The following EPHB1 variants were observed in gnomAD, a reference collection of about 807,000 sequenced individuals.
The protein encoded by EPHB1 is EPH receptor B1.
Under a neutral mutation model 94.4 loss-of-function variants are expected in EPHB1, and 30 were observed. That is an observed-to-expected ratio of 0.32 (90% CI 0.24 to 0.43). The LOEUF (loss-of-function observed/expected upper bound fraction) is 0.43, where lower values mean the gene tolerates loss of function less well. Among genes scored for constraint, EPHB1 ranks in the 20% least tolerant of loss-of-function variants. EPHB1 has a pLI of 1.00. For missense variants in EPHB1, 1,055 were observed against 1,308.3 expected (o/e 0.81, Z 2.99); for synonymous variants, 522 against 489.1 (o/e 1.07, Z -0.89).
chr3:135,225,705 T>C (rs561996431), intron 12 of EPHB1, among the ~76,000 whole-genome samples: 1 of 152,012 alleles, frequency 6.6e-6, no homozygotes, highest in African/African-American at 2.4e-5. Context: ...GTGGGGATGA[T>C]GATAGTGGCC....
Position 134,951,440 on chromosome 3 carries a change from G to A in EPHB1, c.193G>A (p.Glu65Lys), listed in dbSNP as rs748807854. The A allele has an allele frequency of 9.3e-6, 15 of 1,611,026 alleles. No homozygotes were observed. Among genetic ancestry groups the A allele is most frequent in the Non-Finnish European group, 1.3e-5 (15 of 1,178,182 alleles). The change falls in exon 3 of 16, where the codon GAG becomes AAG. Residue 65 changes from glutamate (E) to lysine (K), a missense_variant. Physicochemically the swap from Glu to Lys is moderately conservative, Grantham distance 56 (BLOSUM62 1). Transcript: ENST00000398015. This position sits in a 1 kb window ranked among gnomAD's most constrained non-coding sequence, Gnocchi z 4.5. ...IRTYQVCNVF[E>K]PNQNNWLLTT... is the part of the protein sequence containing the mutation. ...CACCTACCAGGTGTGCAATGTCTTC[G>A]AGCCCAACCAGAACAATTGGCTGCT...
intron 2 of EPHB1, among the ~76,000 whole-genome samples, chr3:134,937,821 T>C (rs958530200): frequency 3.3e-5 from 5 of 151,670 alleles, no homozygotes; most frequent in Admixed American, 6.6e-5. Context: ...ATCGACAGCT[T>C]AAGATAATCA....
At chr3:135,116,558 TG>T (rs1939723806) in intron 4 of EPHB1, among the ~76,000 whole-genome samples, 1 of 152,190 alleles carries the variant, frequency 6.6e-6, no homozygotes. Flanking sequence ...CAGTGCCTCG[TG>T]GTGGTCACTT....
chr3:134,818,230 A>G (rs77541652), intron 1 of EPHB1, among the ~76,000 whole-genome samples: 4,973 of 152,290 alleles, frequency 0.033, 238 homozygotes, highest in African/African-American at 0.11. Context: ...ACAAGAAGAG[A>G]AACCTACAGC....
intron 5 of EPHB1, among the ~76,000 whole-genome samples, chr3:135,142,624 T>C (rs1940865716): frequency 6.6e-6 from 1 of 152,084 alleles, no homozygotes; most frequent in Admixed American, 6.5e-5. Flanking sequence ...TCTGAGGTTG[T>C]GGTGAGGAAG....
At chr3:134,993,908 G>T (rs1214567080) in intron 3 of EPHB1, among the ~76,000 whole-genome samples, 1 of 152,156 alleles carries the variant, frequency 6.6e-6, no homozygotes, top group Admixed American at 6.5e-5. Context: ...GTCACCTCTG[G>T]GCTGTCATAC....
intron 3 of EPHB1, among the ~76,000 whole-genome samples, chr3:135,018,877 C>A (rs1935895187): frequency 6.6e-6 from 1 of 152,180 alleles, no homozygotes; most frequent in Admixed American, 6.5e-5. Flanking sequence ...TGGTGATGGT[C>A]TCATTTACTC....
chr3:135,248,247 G>A (rs963772393), intron 13 of EPHB1, 69 bp from the exon 14 acceptor site: 40 of 1,418,288 alleles, frequency 2.8e-5, no homozygotes, highest in African/African-American at 7.1e-5. Flanking sequence ...CCATATAAAG[G>A]GGATAATTTG....
At chr3:135,257,996 TTTTC>T (rs1016517699) in intron 15 of EPHB1, among the ~76,000 whole-genome samples, 9 of 152,134 alleles carry the variant, frequency 5.9e-5, no homozygotes, top group African/African-American at 1.9e-4. Context: ...TCCATCACCC[TTTTC>T]TTTGACTAGG....
chr3:134,928,479 C>CT (rs1416380672), intron 2 of EPHB1, among the ~76,000 whole-genome samples: 5 of 152,228 alleles, frequency 3.3e-5, no homozygotes, highest in South Asian at 2.1e-4. Context: ...ACCTAGTTCA[C>CT]TACCTGACTC....
At chr3:135,013,455 C>G (rs1031509813) in intron 3 of EPHB1, among the ~76,000 whole-genome samples, 1 of 152,162 alleles carries the variant, frequency 6.6e-6, no homozygotes, top group Non-Finnish European at 1.5e-5. Flanking sequence ...CACCGCATAC[C>G]GAGGAATCCG....
chr3:135,225,126 C>T (rs925144389), intron 12 of EPHB1, among the ~76,000 whole-genome samples: 2 of 152,190 alleles, frequency 1.3e-5, no homozygotes, highest in Non-Finnish European at 2.9e-5. Context: ...GTCTTCACAC[C>T]TACTCTGCTG....
At chr3:134,860,178 C>CACACAG (rs1263950626) in intron 1 of EPHB1, among the ~76,000 whole-genome samples, 1 of 148,922 alleles carries the variant, frequency 6.7e-6, no homozygotes, top group Non-Finnish European at 1.5e-5. Flanking sequence ...CACAGACACA[C>CACACAG]ACACACACAC....
intron 1 of EPHB1, among the ~76,000 whole-genome samples, chr3:134,860,150 G>GACACACAC (rs10642036): frequency 9.1e-5 from 13 of 142,922 alleles, no homozygotes; most frequent in African/African-American, 1.8e-4. Context: ...AGAAGGAAGG[G>GACACACAC]ACACACACAC....
intron 2 of EPHB1, among the ~76,000 whole-genome samples, chr3:134,948,463 G>GA (rs377501012): frequency 1.1e-4 from 17 of 147,908 alleles, no homozygotes; most frequent in East Asian, 5.9e-4. Context: ...CTCCATGGCT[G>GA]AAAAAAAAAA....
intron 2 of EPHB1, among the ~76,000 whole-genome samples, chr3:134,938,053 ACC>A (rs762795792): frequency 1.3e-5 from 2 of 151,558 alleles, no homozygotes; most frequent in African/African-American, 4.9e-5. Context: ...AGCCCATTAT[ACC>A]CTCTTTAAAT....
At chr3:135,120,220 A>G (rs2107805548) in intron 4 of EPHB1, among the ~76,000 whole-genome samples, 1 of 152,278 alleles carries the variant, frequency 6.6e-6, no homozygotes, top group South Asian at 2.1e-4. Context: ...TCTCTTCTTT[A>G]TGATATTCTT....
chr3:135,125,703 A>G (rs2107684672), intron 4 of EPHB1, among the ~76,000 whole-genome samples: 1 of 150,476 alleles, frequency 6.6e-6, no homozygotes, highest in Admixed American at 6.6e-5. Context: ...ATAATGGTCT[A>G]CATCCCTGAC....
At chr3:135,117,982 A>G (rs979460704) in intron 4 of EPHB1, among the ~76,000 whole-genome samples, 1 of 152,200 alleles carries the variant, frequency 6.6e-6, no homozygotes, top group Non-Finnish European at 1.5e-5. Flanking sequence ...GTGGGAACCC[A>G]TGGTCACTGC....
Sources: gnomAD v4.1 joint callset for allele counts (sites outside exome capture counted in the v4.1 genomes callset) on GRCh38, gnomAD v4.1.1 for gene constraint, Gnocchi (gnomAD v3.1) non-coding constraint, MANE v1.5 for transcripts, NCBI Gene and HGNC (gene_info 2026-07-23, HGNC 2026-07-21) for gene names.